SLTM: variants seen among roughly 807,000 people sequenced by gnomAD.
SLTM encodes the protein SAFB like transcription modulator.
In SLTM, 43 loss-of-function variants were observed where a neutral mutation model predicts 134.6. That is an observed-to-expected ratio of 0.32 (90% CI 0.25 to 0.41). SLTM has a LOEUF of 0.41. Ranked by LOEUF, SLTM falls within the 10% of genes least tolerant of loss-of-function variation. The pLI, the probability that SLTM is intolerant of heterozygous loss-of-function variation, is 1.00. For missense variants in SLTM, 1,055 were observed against 1,288.8 expected (o/e 0.82, Z 2.78); for synonymous variants, 424 against 432.3 (o/e 0.98, Z 0.24).
At chr15:58,895,323 T>C (rs953377286) in intron 9 of SLTM, among the ~76,000 whole-genome samples, 5 of 152,180 alleles carry the variant, frequency 3.3e-5, no homozygotes, top group Non-Finnish European at 7.4e-5. Context: ...GACTTAAAAA[T>C]GCATCCCCCG....
chr15:58,928,926 C>T (rs1470352901), intron 2 of SLTM, among the ~76,000 whole-genome samples: 3 of 152,102 alleles, frequency 2.0e-5, no homozygotes, highest in South Asian at 2.1e-4. Flanking sequence ...CTGTTGCTTC[C>T]TTAAACATCA....
rs1424305217 is a variant in SLTM, at chr15:58,894,596, C to T, written c.1228-14G>A. ...TGCACTCAGAACCTATAAAATCAGA[C>T]TGTACTTTAGAGAGTTTTACAACGT... On this transcript the variant is annotated splice_polypyrimidine_tract_variant and intron_variant, in intron 9 of 20. Transcript: ENST00000380516. 6.2e-7 allele frequency: 1 copy of T among 1,613,636 alleles called. No individual in the cohort carries two copies. The highest frequency in any genetic ancestry group is 1.3e-5 in the African/African-American group (1 of 74,888).
chr15:58,902,980 C>T (rs536854423), intron 5 of SLTM, among the ~76,000 whole-genome samples: 91 of 152,224 alleles, frequency 6.0e-4, no homozygotes, highest in African/African-American at 2.0e-3. Flanking sequence ...TGGCTCACTG[C>T]AACTTCCGCC....
chr15:58,889,675 C>G (rs1451120973), intron 15 of SLTM, 121 bp from the exon 16 acceptor site: 1 of 1,225,984 alleles, frequency 8.2e-7, no homozygotes, highest in Non-Finnish European at 1.1e-6. Flanking sequence ...CCAGGCAAAA[C>G]ACAAACCTAT....
rs748142977 is a variant in SLTM at position 58,921,458 on chromosome 15, G to A, written c.251-4459C>T. 9.9e-4 allele frequency: 215 copies of A among 217,108 alleles called. 1 individual carries two copies. Among genetic ancestry groups the A allele is most frequent in the Non-Finnish European group, 1.8e-3 (178 of 99,520 alleles). The allele number at this position is 217,108 out of a possible 1,614,324, so 13.4% of individuals were successfully genotyped here. ...ATGTGAGACTCACTTGCCCAATGAC[G>A]ATGACGCACAGGCAACAAGAGGCAG... On this transcript the variant is annotated intron_variant, in intron 2 of 20. Coordinates refer to ENST00000380516, the MANE Select transcript of SLTM (RefSeq NM_024755.4).
At chr15:58,901,312 GT>G (rs1567127433) in intron 5 of SLTM, 25 bp from the exon 6 acceptor site, 1 of 1,584,642 alleles carries the variant, frequency 6.3e-7, no homozygotes, top group Admixed American at 1.8e-5. Flanking sequence ...ATAATCAAAT[GT>G]AAAATGAATT....
At chr15:58,892,712 T>C (rs1455883057) in intron 14 of SLTM, among the ~76,000 whole-genome samples, 185 bp downstream of exon 14, 1 of 152,180 alleles carries the variant, frequency 6.6e-6, no homozygotes, top group African/African-American at 2.4e-5. Context: ...AGACAACAGA[T>C]GGAAAAGCAC....
At chr15:58,931,930 A>G (rs1174294626) in intron 2 of SLTM, among the ~76,000 whole-genome samples, 3 of 152,256 alleles carry the variant, frequency 2.0e-5, no homozygotes, top group African/African-American at 7.2e-5. Flanking sequence ...CAAGTCAAAC[A>G]AAGTACTAAA....
At chr15:58,923,323 A>G (rs150209545) in intron 2 of SLTM, among the ~76,000 whole-genome samples, 5 of 152,248 alleles carry the variant, frequency 3.3e-5, no homozygotes, top group African/African-American at 1.2e-4. Flanking sequence ...GTGCCACTCA[A>G]TTTCAATCTG....
intron 5 of SLTM, among the ~76,000 whole-genome samples, chr15:58,903,030 T>C (rs2141048904): frequency 6.6e-6 from 1 of 152,278 alleles, no homozygotes; most frequent in African/African-American, 2.4e-5. Flanking sequence ...GCCTCCCAAG[T>C]AGCTGGGACT....
rs185224268 is a variant in SLTM, at chr15:58,894,278, G to C, written c.1378-85C>G. Reference sequence around the variant, plus strand: ...GAAGTGTGCTAATGGCAGAAAATTTGGAAACGATAGGAAAAATATAAGGAG... The same window carrying C: ...GAAGTGTGCTAATGGCAGAAAATTTCGAAACGATAGGAAAAATATAAGGAG... On this transcript the variant is annotated intron_variant, in intron 10 of 20. Transcript: ENST00000380516. 58 of 1,387,540 alleles carry C rather than the reference G, an allele frequency of 4.2e-5. No individual in the cohort carries two copies. The East Asian group carries it at 1.2e-3, about 30-fold the overall frequency. 86.0% of individuals were successfully genotyped at this position (1,387,540 alleles called of 1,614,324 possible).
intron 19 of SLTM, among the ~76,000 whole-genome samples, chr15:58,886,261 G>A (rs1376114205): frequency 9.4e-6 from 1 of 106,210 alleles, no homozygotes; most frequent in East Asian, 3.0e-4. Flanking sequence ...GTGTGTGTGT[G>A]TGTGTATTTT....
rs755559904 is a variant in SLTM, at chr15:58,899,418, T to C, written c.1058+51A>G. ...CCACCCCCTTAATGTAGAGTGATCTTATTGAATGCTGGAATTCAGTATCGT... is the reference window on the plus strand; with the variant it reads ...CCACCCCCTTAATGTAGAGTGATCTCATTGAATGCTGGAATTCAGTATCGT... On this transcript the variant is annotated intron_variant, in intron 7 of 20. Transcript: ENST00000380516. The surrounding 1 kb of genome is among the most constrained non-coding windows in gnomAD (Gnocchi z 5.0). The C allele has an allele frequency of 6.9e-7, 1 of 1,453,572 alleles. No homozygotes were observed. Among genetic ancestry groups the C allele is most frequent in the Non-Finnish European group, 9.6e-7 (1 of 1,038,774 alleles). The allele number at this position is 1,453,572 out of a possible 1,614,324, so 90.0% of individuals were successfully genotyped here.
At chr15:58,914,663 A>T (rs2036507255) in intron 3 of SLTM, among the ~76,000 whole-genome samples, 1 of 152,208 alleles carries the variant, frequency 6.6e-6, no homozygotes, top group Non-Finnish European at 1.5e-5. Flanking sequence ...GTTACCAAGG[A>T]AACTTCACCT....
chr15:58,932,225 A>AC, intron 2 of SLTM, 131 bp downstream of exon 2: 1 of 693,528 alleles, frequency 1.4e-6, no homozygotes, highest in Non-Finnish European at 2.6e-6. Context: ...TTCTTCCTTG[A>AC]CCCAAGAAGG....
chr15:58,910,018 C>G (rs2414613), intron 5 of SLTM, among the ~76,000 whole-genome samples: 147,071 of 152,288 alleles, frequency 0.97, 71,209 homozygotes, highest in East Asian at 1. Flanking sequence ...ATTTAAACAG[C>G]ATATAATAGA....
chr15:58,900,908 A>C (rs2035441917), intron 6 of SLTM: 1 of 209,458 alleles, frequency 4.8e-6, no homozygotes, highest in Non-Finnish European at 9.5e-6. Flanking sequence ...GTTATGCACT[A>C]GGACTCCAAT....
chr15:58,909,095 A>G (rs1368874081), intron 5 of SLTM, among the ~76,000 whole-genome samples: 3 of 152,218 alleles, frequency 2.0e-5, no homozygotes, highest in Non-Finnish European at 4.4e-5. Context: ...TTGTCTTGAA[A>G]TACCATTTAC....
At chr15:58,887,182 A>T in intron 18 of SLTM, 44 bp downstream of exon 18, 1 of 1,611,982 alleles carries the variant, frequency 6.2e-7, no homozygotes. Flanking sequence ...TTTTAACCCC[A>T]ATGCATGAGA....
Sources: allele counts gnomAD v4.1 joint callset (sites outside exome capture counted in the v4.1 genomes callset), GRCh38; gene constraint gnomAD v4.1.1; non-coding constraint Gnocchi (gnomAD v3.1); transcripts MANE v1.5; gene names NCBI Gene and HGNC (gene_info 2026-07-23, HGNC 2026-07-21).